The following TENM2 variants were observed in gnomAD, a reference collection of about 807,000 sequenced individuals.
The protein encoded by TENM2 is teneurin transmembrane protein 2, also known as teneurin-2.
In TENM2, 52 loss-of-function variants were observed where a neutral mutation model predicts 245.2. The observed-to-expected ratio is 0.21, with a 90% CI of 0.17 to 0.27. The LOEUF (loss-of-function observed/expected upper bound fraction) is 0.27, where lower values mean the gene tolerates loss of function less well. Ranked by LOEUF, TENM2 falls within the 10% of genes least tolerant of loss-of-function variation. The pLI is 1.00. For missense variants in TENM2, 3,046 were observed against 3,666.8 expected (o/e 0.83, Z 4.37); for synonymous variants, 1,363 against 1,438.9 (o/e 0.95, Z 1.19).
At chr5:167,107,486 T>A in the TENM2 span, among the ~76,000 whole-genome samples, 1 of 152,204 alleles carries the variant, frequency 6.6e-6, no homozygotes, top group South Asian at 2.1e-4. Flanking sequence ...CAGAGGGTTA[T>A]CATTGTATTT....
intron 2 of TENM2, among the ~76,000 whole-genome samples, chr5:167,461,288 C>T (rs1766274687): frequency 6.6e-6 from 1 of 151,552 alleles, no homozygotes; most frequent in East Asian, 1.9e-4. Flanking sequence ...GCTCTTTTCA[C>T]ACATTTAGAA....
chr5:168,068,397 A>G (rs1030030772), intron 7 of TENM2, among the ~76,000 whole-genome samples: 2 of 152,156 alleles, frequency 1.3e-5, no homozygotes, highest in African/African-American at 2.4e-5. Flanking sequence ...TAAGCAAAGG[A>G]CCTTTATCCT....
At chr5:168,072,450 CCATT>C (rs1251194934) in intron 7 of TENM2, among the ~76,000 whole-genome samples, 1 of 152,154 alleles carries the variant, frequency 6.6e-6, no homozygotes, top group Non-Finnish European at 1.5e-5. Context: ...TAAAATCAAT[CCATT>C]CATGCCCTCA....
chr5:167,820,932 A>C (rs957451551), intron 2 of TENM2: 2 of 152,208 alleles, frequency 1.3e-5, no homozygotes, highest in African/African-American at 4.8e-5. Context: ...GGATTTTCAC[A>C]GGAGGTCTGC....
At chr5:167,969,866 G>A (rs1010899002) in intron 4 of TENM2, among the ~76,000 whole-genome samples, 1 of 152,202 alleles carries the variant, frequency 6.6e-6, no homozygotes, top group African/African-American at 2.4e-5. Context: ...GAGTCTTGGC[G>A]AGCAGACCAC....
intron 5 of TENM2, among the ~76,000 whole-genome samples, chr5:168,008,099 A>G (rs1467303583): frequency 1.3e-5 from 2 of 152,234 alleles, no homozygotes; most frequent in African/African-American, 4.8e-5. Flanking sequence ...ATTGGAGTTC[A>G]GAGAAGGGAG....
At chr5:167,297,439 A>C (rs1482955911) in intron 1 of TENM2, 1 of 152,180 alleles carries the variant, frequency 6.6e-6, no homozygotes. Context: ...TCAAACATTA[A>C]AAGTGAGGTT....
At chr5:167,609,981 A>G (rs536485359) in intron 2 of TENM2, among the ~76,000 whole-genome samples, 1 of 152,226 alleles carries the variant, frequency 6.6e-6, no homozygotes, top group African/African-American at 2.4e-5. Flanking sequence ...TCAGATGCCA[A>G]TCACAAGCCC....
At chr5:168,223,896 A>AGAT (rs770812447) in intron 23 of TENM2, among the ~76,000 whole-genome samples, 3 of 149,872 alleles carry the variant, frequency 2.0e-5, no homozygotes, top group Admixed American at 6.8e-5. Context: ...TGCTCCATAT[A>AGAT]GATACTGATA....
intron 2 of TENM2, among the ~76,000 whole-genome samples, chr5:167,639,256 C>A (rs1053843625): frequency 6.6e-6 from 1 of 152,146 alleles, no homozygotes; most frequent in Admixed American, 6.6e-5. Flanking sequence ...TTTCCTTATT[C>A]ATATGCTAAA....
intron 2 of TENM2, among the ~76,000 whole-genome samples, chr5:167,721,128 T>C (rs10050810): frequency 0.25 from 37,329 of 152,104 alleles, 5,051 homozygotes; most frequent in African/African-American, 0.36. Flanking sequence ...CCTTAAGACC[T>C]TTTGTCCTTC....
At chr5:167,902,099 A>G (rs1008395562) in intron 3 of TENM2, among the ~76,000 whole-genome samples, 1 of 152,092 alleles carries the variant, frequency 6.6e-6, no homozygotes, top group Non-Finnish European at 1.5e-5. Flanking sequence ...GGTTAGGCTA[A>G]GTGGAATTCT....
At chr5:167,766,241 A>T (rs560676837) in intron 2 of TENM2, among the ~76,000 whole-genome samples, 2 of 151,990 alleles carry the variant, frequency 1.3e-5, no homozygotes, top group Non-Finnish European at 2.9e-5. Flanking sequence ...TGGCAAAGGA[A>T]TTAATATGTG....
At chr5:167,719,116 T>C (rs1181062087) in intron 2 of TENM2, among the ~76,000 whole-genome samples, 1 of 152,134 alleles carries the variant, frequency 6.6e-6, no homozygotes, top group Non-Finnish European at 1.5e-5. Context: ...TGTCTACCCA[T>C]AAAAGCAAAG....
chr5:167,200,272 C>G, the TENM2 span, among the ~76,000 whole-genome samples: 8 of 152,162 alleles, frequency 5.3e-5, no homozygotes, highest in East Asian at 1.4e-3. Context: ...TAGATTCCCT[C>G]CAAGGGCCCT....
chr5:167,020,513 G>A, the TENM2 span, among the ~76,000 whole-genome samples: 18 of 152,328 alleles, frequency 1.2e-4, no homozygotes, highest in East Asian at 1.9e-4. Context: ...CCTTTCTAAA[G>A]TGGGGTGAAA....
intron 1 of TENM2, among the ~76,000 whole-genome samples, chr5:167,292,116 C>A (rs1395833142): frequency 6.6e-6 from 1 of 152,094 alleles, no homozygotes; most frequent in Non-Finnish European, 1.5e-5. Flanking sequence ...AAAACTTACC[C>A]CCATGATTCA....
At chr5:167,398,828 GTAGT>G (rs1414586980) in intron 2 of TENM2, among the ~76,000 whole-genome samples, 2 of 152,056 alleles carry the variant, frequency 1.3e-5, no homozygotes, top group Non-Finnish European at 2.9e-5. Flanking sequence ...TGCCTGGCAC[GTAGT>G]AAACAATTCA....
At chr5:167,056,238 AGGCAGTTATACT>A in the TENM2 span, among the ~76,000 whole-genome samples, 1 of 151,782 alleles carries the variant, frequency 6.6e-6, no homozygotes, top group Non-Finnish European at 1.5e-5. Flanking sequence ...ATTTCTTACA[AGGCAGTTATACT>A]GGCAACAAAT....
Sources: allele counts gnomAD v4.1 joint callset (sites outside exome capture counted in the v4.1 genomes callset), GRCh38; gene constraint gnomAD v4.1.1; transcripts MANE v1.5; gene names NCBI Gene and HGNC (gene_info 2026-07-23, HGNC 2026-07-21).